The following LAPTM4B variants were observed in gnomAD, a reference collection of about 807,000 sequenced individuals.
LAPTM4B encodes lysosomal protein transmembrane 4 beta, also known as lysosomal-associated transmembrane protein 4B.
A neutral mutation model predicts 28.5 loss-of-function variants in LAPTM4B; 26 were observed. The observed-to-expected ratio is 0.91, with a 90% CI of 0.67 to 1.27. The LOEUF (loss-of-function observed/expected upper bound fraction) is 1.27, where lower values mean the gene tolerates loss of function less well. Ranked by LOEUF, LAPTM4B falls within the 50% of genes most tolerant of loss-of-function variation. The pLI is 0.00. For synonymous variants in LAPTM4B, 109 were observed against 106.4 expected (o/e 1.02, Z -0.15); for missense variants, 288 against 285.8 (o/e 1.01, Z -0.06).
At chr8:97,824,957 T>G (rs1817070854) in intron 5 of LAPTM4B, 101 bp from the exon 6 acceptor site, 2 of 672,752 alleles carry the variant, frequency 3.0e-6, no homozygotes, top group Non-Finnish European at 5.4e-6. Context: ...CATTTATTGC[T>G]TATGTCAATA....
intron 1 of LAPTM4B, among the ~76,000 whole-genome samples, chr8:97,789,701 A>G (rs2129737914): frequency 6.6e-6 from 1 of 151,528 alleles, no homozygotes; most frequent in East Asian, 2.0e-4. Context: ...TTGTATTTTT[A>G]GTAGAGATGG....
chr8:97,796,622 C>T (rs1816588301), intron 1 of LAPTM4B, among the ~76,000 whole-genome samples: 1 of 152,136 alleles, frequency 6.6e-6, no homozygotes, highest in Admixed American at 6.6e-5. Flanking sequence ...ATGATTTATA[C>T]ATGTGAGCAC....
At chr8:97,823,169 G>A (rs1258574495) in intron 5 of LAPTM4B, among the ~76,000 whole-genome samples, 2 of 151,894 alleles carry the variant, frequency 1.3e-5, no homozygotes, top group Non-Finnish European at 1.5e-5. Context: ...CAATATTGCA[G>A]AAGTGTGAAA....
At chr8:97,783,021 C>T (rs1816346734) in intron 1 of LAPTM4B, among the ~76,000 whole-genome samples, 1 of 149,432 alleles carries the variant, frequency 6.7e-6, no homozygotes, top group Admixed American at 6.7e-5. Context: ...GATCTGCCCG[C>T]CTTGGCCTCC....
chr8:97,782,542 G>A (rs917261531), intron 1 of LAPTM4B, among the ~76,000 whole-genome samples: 4 of 151,120 alleles, frequency 2.6e-5, no homozygotes, highest in East Asian at 4.0e-4. Flanking sequence ...GGGTTCAAGC[G>A]ATTCTCCTGC....
At chr8:97,834,930 G>C (rs1366829838) in intron 6 of LAPTM4B, among the ~76,000 whole-genome samples, 2 of 152,110 alleles carry the variant, frequency 1.3e-5, no homozygotes, top group Admixed American at 1.3e-4. Context: ...TTTAAAGCAG[G>C]GCTCTGCATG....
At chr8:97,793,569 A>G (rs1034221578) in intron 1 of LAPTM4B, among the ~76,000 whole-genome samples, 1 of 152,254 alleles carries the variant, frequency 6.6e-6, no homozygotes, top group Non-Finnish European at 1.5e-5. Context: ...TGATGTCAAC[A>G]TCATCCATAG....
At chr8:97,843,434 A>G (rs2129851155) in intron 6 of LAPTM4B, among the ~76,000 whole-genome samples, 1 of 152,162 alleles carries the variant, frequency 6.6e-6, no homozygotes, top group East Asian at 1.9e-4. Context: ...AAACAACACA[A>G]CAACAAAAAC....
At chr8:97,793,329 C>CT (rs1413090396) in intron 1 of LAPTM4B, among the ~76,000 whole-genome samples, 2 of 151,436 alleles carry the variant, frequency 1.3e-5, no homozygotes, top group African/African-American at 2.4e-5. Context: ...GGGACCGTGT[C>CT]TTTTTTTTAA....
chr8:97,831,793 C>T (rs2331650), intron 6 of LAPTM4B, among the ~76,000 whole-genome samples: 92,601 of 152,092 alleles, frequency 0.61, 29,351 homozygotes, highest in African/African-American at 0.79. Flanking sequence ...CTGCCTCTTT[C>T]GCTGTTTTGT....
intron 1 of LAPTM4B, among the ~76,000 whole-genome samples, chr8:97,799,986 C>T (rs561678968): frequency 7.9e-5 from 12 of 152,336 alleles, no homozygotes; most frequent in African/African-American, 2.9e-4. Flanking sequence ...ATGCTCCCAT[C>T]TCTGTTGCAG....
intron 6 of LAPTM4B, among the ~76,000 whole-genome samples, chr8:97,829,424 CT>C (rs1273443495): frequency 6.6e-6 from 1 of 152,046 alleles, no homozygotes; most frequent in African/African-American, 2.4e-5. Flanking sequence ...CTCCAATTTT[CT>C]GGTTGATGTG....
At chr8:97,812,098 G>C (rs1586331460) in intron 2 of LAPTM4B, among the ~76,000 whole-genome samples, 1 of 151,910 alleles carries the variant, frequency 6.6e-6, no homozygotes, top group South Asian at 2.1e-4. Flanking sequence ...GAGCCACCGC[G>C]CCCGGCCTGG....
At chr8:97,820,747 GA>G (rs946925038) in intron 5 of LAPTM4B, among the ~76,000 whole-genome samples, 6 of 151,296 alleles carry the variant, frequency 4.0e-5, no homozygotes, top group Non-Finnish European at 7.4e-5. Context: ...TGTTGTTGTT[GA>G]GACAGAGTCT....
At position 97,803,592 on chromosome 8, in the gene LAPTM4B, G is replaced by A. The variant is rs150546819; in HGVS notation, c.100-1761G>A. On this transcript the variant is annotated intron_variant, in intron 1 of 6. Transcript: ENST00000521545. ...CCGGGCCAAAAATAAACTCTTGAAT[G>A]GATGTTCTGTAAAACATTTACACTT... Among the ~76,000 whole-genome samples, 5 of 152,194 alleles carry A rather than the reference G, an allele frequency of 3.3e-5. No homozygotes were observed. The East Asian group carries it at 9.7e-4, about 29-fold the overall frequency.
At chr8:97,839,338 C>T (rs562174941) in intron 6 of LAPTM4B, among the ~76,000 whole-genome samples, 26 of 152,202 alleles carry the variant, frequency 1.7e-4, no homozygotes, top group African/African-American at 5.5e-4. Flanking sequence ...GGATTACAGG[C>T]ATGTGTTACC....
At position 97,812,206 on chromosome 8, in the gene LAPTM4B, G is replaced by GTTTTTT. The variant is rs144651693; in HGVS notation, c.212-3117_212-3112dup. ...TAAAGGATAAGTAAATTAATTATTT[G>GTTTTTT]TTTTTTTTTTGTTGTTTTTTGTTTT... is the stretch of plus-strand genomic sequence containing the variant. On this transcript the variant is annotated intron_variant, in intron 2 of 6. Transcript: ENST00000521545. Among the ~76,000 whole-genome samples, 63 of 78,346 alleles carry GTTTTTT rather than the reference G, an allele frequency of 8.0e-4. 3 individuals are homozygous for GTTTTTT. The highest frequency in any genetic ancestry group is 8.8e-3 in the Middle Eastern group (1 of 114). 51.4% of individuals were successfully genotyped at this position (78,346 alleles called of 152,430 possible). A position where few individuals can be genotyped will look rare whatever the true frequency, so the allele number is the denominator to read the frequency against.
chr8:97,840,905 A>G (rs1016494064), intron 6 of LAPTM4B, among the ~76,000 whole-genome samples: 1 of 149,702 alleles, frequency 6.7e-6, no homozygotes, highest in Non-Finnish European at 1.5e-5. Flanking sequence ...CTCACATCCC[A>G]GATGGGGTGG....
intron 5 of LAPTM4B, among the ~76,000 whole-genome samples, chr8:97,821,852 A>G (rs573063656): frequency 1.4e-3 from 212 of 152,280 alleles, no homozygotes; most frequent in Non-Finnish European, 2.2e-3. Flanking sequence ...GACCCAGGAC[A>G]TGTTCCAAGA....
Sources: allele counts gnomAD v4.1 joint callset (sites outside exome capture counted in the v4.1 genomes callset), GRCh38; gene constraint gnomAD v4.1.1; transcripts MANE v1.5; gene names NCBI Gene and HGNC (gene_info 2026-07-23, HGNC 2026-07-21).